Variants in LINGO2 observed in about 807,000 individuals in gnomAD.
LINGO2 encodes leucine rich repeat and Ig domain containing 2.
Under a neutral mutation model 30.6 loss-of-function variants are expected in LINGO2, and 14 were observed. The observed-to-expected ratio is 0.46, with a 90% CI of 0.30 to 0.72. LINGO2 has a LOEUF of 0.72. Among genes scored for constraint, LINGO2 ranks in the 30% least tolerant of loss-of-function variants. The pLI, the probability that LINGO2 is intolerant of heterozygous loss-of-function variation, is 0.07. For synonymous variants in LINGO2, 317 were observed against 288.5 expected (o/e 1.10, Z -1.00); for missense variants, 729 against 751.7 (o/e 0.97, Z 0.35).
At position 28,561,800 on chromosome 9, in the gene LINGO2, C is replaced by T. The variant is rs576418523; in HGVS notation, c.-364-85775G>A. ...ATATATAAAAAATATGCTACTAGAACTGAAAAAGACAGTAGAGAAGGCTGA... is the reference window on the plus strand; with the variant it reads ...ATATATAAAAAATATGCTACTAGAATTGAAAAAGACAGTAGAGAAGGCTGA... On this transcript the variant is annotated intron_variant, in intron 1 of 5. Coordinates refer to ENST00000379992, the Ensembl canonical transcript of LINGO2. Among the ~76,000 whole-genome samples, 32 of 125,768 alleles carry T rather than the reference C, an allele frequency of 2.5e-4. 2 individuals are homozygous for T. The highest frequency in any genetic ancestry group is 8.5e-4 in the African/African-American group (30 of 35,236). The allele number at this position is 125,768 out of a possible 152,430, so 82.5% of individuals were successfully genotyped here.
intron 3 of LINGO2, among the ~76,000 whole-genome samples, chr9:28,315,811 T>C (rs575370141): frequency 2.6e-5 from 4 of 152,328 alleles, no homozygotes; most frequent in Admixed American, 6.5e-5. Context: ...TATATGTTTA[T>C]TGGAGTAAAA....
chr9:28,971,324 C>T, the LINGO2 span, among the ~76,000 whole-genome samples: 1 of 152,162 alleles, frequency 6.6e-6, no homozygotes. Flanking sequence ...GACCACTAAG[C>T]AAGCCAGGAT....
At chr9:28,880,740 T>C in the LINGO2 span, among the ~76,000 whole-genome samples, 1 of 152,150 alleles carries the variant, frequency 6.6e-6, no homozygotes, top group African/African-American at 2.4e-5. Context: ...GAACTGAATG[T>C]CTTGGTATAA....
chr9:28,268,024 C>G (rs932293882), intron 4 of LINGO2, among the ~76,000 whole-genome samples: 5 of 152,070 alleles, frequency 3.3e-5, no homozygotes, highest in African/African-American at 1.2e-4. Flanking sequence ...TGCCTTACAA[C>G]ATAGTATCCA....
intron 1 of LINGO2, among the ~76,000 whole-genome samples, chr9:28,493,411 A>G (rs1405470904): frequency 6.6e-6 from 1 of 152,182 alleles, no homozygotes; most frequent in Non-Finnish European, 1.5e-5. Context: ...TTCAGTAGGC[A>G]TTCAGCTAAG....
At chr9:28,123,650 G>A (rs148635207) in intron 4 of LINGO2, among the ~76,000 whole-genome samples, 2 of 150,972 alleles carry the variant, frequency 1.3e-5, no homozygotes, top group East Asian at 3.9e-4. Context: ...AGGAACAGGT[G>A]GACATTTAAA....
chr9:29,008,371 G>C, the LINGO2 span, among the ~76,000 whole-genome samples: 2 of 152,104 alleles, frequency 1.3e-5, no homozygotes, highest in Non-Finnish European at 2.9e-5. Flanking sequence ...ATTGTGAATA[G>C]TGCCACAAAA....
At chr9:28,911,511 C>T in the LINGO2 span, among the ~76,000 whole-genome samples, 1 of 151,920 alleles carries the variant, frequency 6.6e-6, no homozygotes, top group African/African-American at 2.4e-5. Context: ...GGACAAAATG[C>T]AAGTCTGAAA....
chr9:28,443,781 AC>A (rs1824294491), intron 2 of LINGO2, among the ~76,000 whole-genome samples: 1 of 152,136 alleles, frequency 6.6e-6, no homozygotes, highest in Admixed American at 6.5e-5. Flanking sequence ...CAGCCTGAGC[AC>A]CACAAACAGC....
At chr9:28,052,611 A>C (rs1292176837) in intron 4 of LINGO2, among the ~76,000 whole-genome samples, 1 of 152,108 alleles carries the variant, frequency 6.6e-6, no homozygotes, top group Non-Finnish European at 1.5e-5. Flanking sequence ...TCTCTCATAT[A>C]AACTTATGTC....
At chr9:28,681,069 T>C in the LINGO2 span, among the ~76,000 whole-genome samples, 3 of 152,132 alleles carry the variant, frequency 2.0e-5, no homozygotes, top group African/African-American at 7.2e-5. Flanking sequence ...GTTTTGAAGT[T>C]TCACGTCTTA....
chr9:28,399,062 C>T (rs1364869014), intron 2 of LINGO2, among the ~76,000 whole-genome samples: 2 of 152,192 alleles, frequency 1.3e-5, no homozygotes, highest in South Asian at 2.1e-4. Context: ...AGCATCTTCT[C>T]ACCTCCTCCA....
the LINGO2 span, among the ~76,000 whole-genome samples, chr9:29,085,311 A>AAAAAAAAT: frequency 7.7e-6 from 1 of 130,216 alleles, no homozygotes; most frequent in African/African-American, 3.0e-5. Flanking sequence ...AAAAAAAAAA[A>AAAAAAAAT]GAATAAATTA....
intron 1 of LINGO2, among the ~76,000 whole-genome samples, chr9:28,622,789 A>G (rs1826468667): frequency 6.6e-6 from 1 of 151,480 alleles, no homozygotes; most frequent in Non-Finnish European, 1.5e-5. Flanking sequence ...TGGTTGTACT[A>G]ATTTACATTT....
intron 5 of LINGO2, among the ~76,000 whole-genome samples, chr9:28,004,225 A>C (rs1475716587): frequency 6.6e-6 from 1 of 151,294 alleles, no homozygotes; most frequent in Admixed American, 6.6e-5. Context: ...ATTTCCCATG[A>C]TAAGTTTTTG....
chr9:28,111,308 A>G (rs1386840809), intron 4 of LINGO2, among the ~76,000 whole-genome samples: 1 of 151,912 alleles, frequency 6.6e-6, no homozygotes, highest in Admixed American at 6.6e-5. Context: ...ACTCTAGATA[A>G]TGGATTGATA....
At chr9:28,300,005 TA>T (rs1362779988) in intron 3 of LINGO2, among the ~76,000 whole-genome samples, 2 of 152,230 alleles carry the variant, frequency 1.3e-5, no homozygotes, top group African/African-American at 4.8e-5. Flanking sequence ...TGGTAGGTTT[TA>T]TTTCATAAAG....
intron 4 of LINGO2, among the ~76,000 whole-genome samples, chr9:28,089,026 A>G (rs1825997328): frequency 6.6e-6 from 1 of 152,208 alleles, no homozygotes; most frequent in Admixed American, 6.6e-5. Context: ...TATCCTAAAT[A>G]TATATGCACC....
At chr9:29,033,246 G>C in the LINGO2 span, among the ~76,000 whole-genome samples, 2 of 151,914 alleles carry the variant, frequency 1.3e-5, no homozygotes, top group African/African-American at 2.4e-5. Context: ...CTAAAAGGGA[G>C]CTTTTCTTGA....
Sources: allele counts gnomAD v4.1 joint callset (sites outside exome capture counted in the v4.1 genomes callset), GRCh38; gene constraint gnomAD v4.1.1; transcripts MANE v1.5; gene names NCBI Gene and HGNC (gene_info 2026-07-23, HGNC 2026-07-21).